Variants in MCTP2 observed in about 807,000 individuals in gnomAD.
MCTP2 encodes the protein multiple C2 and transmembrane domain containing 2, also known as multiple C2 and transmembrane domain-containing protein 2.
In MCTP2, 132 loss-of-function variants were observed where a neutral mutation model predicts 111.6. The observed-to-expected ratio is 1.18, with a 90% confidence interval of 1.03 to 1.37. The LOEUF (loss-of-function observed/expected upper bound fraction) is 1.37. MCTP2 is among the 40% of genes most tolerant of loss of function. The pLI is 0.00. For missense variants in MCTP2, 1,183 were observed against 1,067.9 expected, an observed-to-expected ratio of 1.11 and a Z score of -1.50; for synonymous variants, 395 against 387.7, an observed-to-expected ratio of 1.02 and a Z score of -0.22.
intron 17 of MCTP2, among the ~76,000 whole-genome samples, chr15:94,435,788 C>T (rs1183076466): frequency 7.1e-6 from 1 of 141,350 alleles, no homozygotes. Flanking sequence ...CCCGCCACTA[C>T]ACCCGGCTAA....
rs372606608 is a variant in MCTP2, at chr15:94,281,231, A to C, written c.-65-16970A>C. Among the ~76,000 whole-genome samples the C allele has an allele frequency of 1.6e-4, 24 of 152,286 alleles. No homozygotes were observed. The East Asian group carries it at 4.4e-3, about 28-fold the overall frequency. On this transcript the variant is annotated intron_variant, in intron 1 of 22. Coordinates refer to ENST00000357742, the MANE Select transcript of MCTP2 (RefSeq NM_001385001.1). ...TAGGCCTTTACAAGCTTGTTTTATG[A>C]ATCTGGCTGCTCCAGTGTTGGGTAC...
intron 1 of MCTP2, among the ~76,000 whole-genome samples, chr15:94,296,010 A>G (rs927097488): frequency 2.6e-5 from 4 of 152,102 alleles, no homozygotes. Flanking sequence ...TAATTTCCAC[A>G]TACATGATAC....
At chr15:94,356,000 T>G (rs2078600722) in intron 8 of MCTP2, 137 bp from the exon 9 acceptor site, 2 of 1,344,748 alleles carry the variant, frequency 1.5e-6, no homozygotes, top group Non-Finnish European at 1.9e-6. Flanking sequence ...GCAAAACCAA[T>G]GAAAAAAACA....
chr15:94,443,046 T>C (rs1339476298), intron 19 of MCTP2, 86 bp downstream of exon 19: 3 of 812,330 alleles, frequency 3.7e-6, no homozygotes, highest in Non-Finnish European at 5.3e-6. Flanking sequence ...CTCTCTCCTC[T>C]CTTTTTTTTT....
chr15:94,431,673 A>T (rs1329375025), intron 17 of MCTP2, among the ~76,000 whole-genome samples: 1 of 152,054 alleles, frequency 6.6e-6, no homozygotes, highest in Non-Finnish European at 1.5e-5. Flanking sequence ...TCAAATTATA[A>T]TTTTTTTTAA....
At chr15:94,251,745 TC>T (rs2152268519) in intron 1 of MCTP2, among the ~76,000 whole-genome samples, 3 of 152,310 alleles carry the variant, frequency 2.0e-5, no homozygotes, top group South Asian at 2.1e-4. Flanking sequence ...CCTGAACTCT[TC>T]ATTTTGTGTA....
chr15:94,236,368 C>CTTTT (rs1167268187), intron 1 of MCTP2, among the ~76,000 whole-genome samples: 30 of 66,958 alleles, frequency 4.5e-4, no homozygotes, highest in Admixed American at 9.8e-4. Flanking sequence ...TCAATCCTTT[C>CTTTT]TTTTTTTTCT....
At chr15:94,304,146 C>G (rs1032136336) in intron 2 of MCTP2, among the ~76,000 whole-genome samples, 4 of 152,150 alleles carry the variant, frequency 2.6e-5, no homozygotes, top group African/African-American at 9.7e-5. Flanking sequence ...GAATTAAATA[C>G]TTTGAAGACT....
intron 1 of MCTP2, among the ~76,000 whole-genome samples, chr15:94,245,522 A>G (rs997275861): frequency 1.9e-4 from 27 of 141,556 alleles, no homozygotes; most frequent in African/African-American, 3.9e-4. Context: ...ATATATGTAT[A>G]TATTTATATA....
At chr15:94,245,439 T>C (rs976206427) in intron 1 of MCTP2, among the ~76,000 whole-genome samples, 13 of 138,590 alleles carry the variant, frequency 9.4e-5, no homozygotes, top group African/African-American at 2.9e-4. Context: ...TATTTATATA[T>C]ACACATATAT....
chr15:94,369,123 T>C (rs1383687947), intron 11 of MCTP2, among the ~76,000 whole-genome samples: 1 of 152,222 alleles, frequency 6.6e-6, no homozygotes, highest in Non-Finnish European at 1.5e-5. Context: ...TAAAAACTAA[T>C]TGTTTTGTTT....
intron 10 of MCTP2, among the ~76,000 whole-genome samples, chr15:94,361,650 T>G (rs946810242): frequency 6.6e-6 from 1 of 152,230 alleles, no homozygotes; most frequent in Non-Finnish European, 1.5e-5. Context: ...ACTCAAATTA[T>G]GCAATTTAAG....
Position 94,451,610 on chromosome 15 carries a change from TTC to T in MCTP2, c.2251-6525_2251-6524del, listed in dbSNP as rs554308581. ...AAAATAGAAGCACATGTGACAGCAG[TTC>T]TGTCTTTCTGAATGAATCACTGTTA... On this transcript the variant is annotated intron_variant, in intron 19 of 22. Coordinates refer to ENST00000357742, the MANE Select transcript of MCTP2 (RefSeq NM_001385001.1). Among the ~76,000 whole-genome samples the T allele has an allele frequency of 6.6e-5, 10 of 152,348 alleles. No homozygotes were observed. The East Asian group carries it at 1.9e-3, about 29-fold the overall frequency.
intron 7 of MCTP2, 81 bp downstream of exon 7, chr15:94,341,005 A>G (rs752524905): frequency 1.6e-5 from 14 of 848,764 alleles, no homozygotes; most frequent in South Asian, 1.4e-4. Context: ...CTTGATAGCT[A>G]GCAGATGACT....
At chr15:94,343,495 T>G (rs2077778705) in intron 7 of MCTP2, 1 of 152,204 alleles carries the variant, frequency 6.6e-6, no homozygotes, top group Non-Finnish European at 1.5e-5. Context: ...GACAAAAATC[T>G]CAGTATGTAC....
intron 12 of MCTP2, among the ~76,000 whole-genome samples, chr15:94,378,512 A>G (rs953606415): frequency 6.6e-6 from 1 of 152,228 alleles, no homozygotes; most frequent in Non-Finnish European, 1.5e-5. Flanking sequence ...TGGGTGACAG[A>G]GTGAGACCTT....
intron 20 of MCTP2, among the ~76,000 whole-genome samples, chr15:94,468,531 G>A (rs1322695031): frequency 1.3e-5 from 2 of 151,824 alleles, no homozygotes; most frequent in African/African-American, 4.8e-5. Context: ...ATGACCAATA[G>A]GCATATTAAA....
chr15:94,340,221 C>G lies in MCTP2; in HGVS notation c.803C>G (p.Thr268Arg), dbSNP rs1174437994. The change falls in exon 6 of 23, where the codon ACA (threonine) becomes AGA (arginine). Residue 268 changes from threonine (T) to arginine (R), a missense_variant. Thr to Arg is a moderately conservative substitution (Grantham distance 71, BLOSUM62 -1). Transcript: ENST00000357742. ...TAGGTATATGATCGAGATTTAACCA[C>G]ATCTGATTTCATGGGTTCTGCATTT... ...RVKVYDRDLT[T>R]SDFMGSAFVI... 6.2e-7 allele frequency: 1 copy of G among 1,612,828 alleles called. No individual in the cohort carries two copies.
rs201178326 is a variant in MCTP2 at position 94,298,172 on chromosome 15, GT to G, written c.-65-23del. ...TCATGTTTTTTTTTTTTGTTTGTTT[GT>G]TTTTTGTTGTTTTTTTCTGTTTTAT... On this transcript the variant is annotated intron_variant, in intron 1 of 22. Transcript: ENST00000357742. 2,936 of 880,922 alleles carry G rather than the reference GT, an allele frequency of 3.3e-3. 52 individuals carry two copies. The African/African-American group carries it at 0.044, about 13-fold the overall frequency. 54.6% of individuals were successfully genotyped at this position (880,922 alleles called of 1,614,324 possible).
Sources: allele counts gnomAD v4.1 joint callset (sites outside exome capture counted in the v4.1 genomes callset), GRCh38; gene constraint gnomAD v4.1.1; transcripts MANE v1.5; gene names NCBI Gene and HGNC (gene_info 2026-07-23, HGNC 2026-07-21).